TCF12: variants seen among roughly 807,000 people sequenced by gnomAD.
The protein encoded by TCF12 is transcription factor 12.
In TCF12, 45 loss-of-function variants were observed where a neutral mutation model predicts 86.0. The ratio of observed to expected loss-of-function variants is 0.52; its 90% CI spans 0.41 to 0.67. The LOEUF is 0.67. Among genes scored for constraint, TCF12 ranks in the 30% least tolerant of loss-of-function variants. The pLI is 0.00. For synonymous variants in TCF12, 330 were observed against 299.6 expected, an observed-to-expected ratio of 1.10 and a Z score of -1.05; for missense variants, 881 against 859.9, an observed-to-expected ratio of 1.02 and a Z score of -0.31.
chr15:57,231,334 G>T, intron 9 of TCF12, 77 bp downstream of exon 9: 1 of 1,173,322 alleles, frequency 8.5e-7, no homozygotes, highest in South Asian at 1.3e-5. Flanking sequence ...TATTAGGAAA[G>T]AGAATACCTA....
intron 3 of TCF12, among the ~76,000 whole-genome samples, chr15:57,003,336 A>T (rs2064159732): frequency 6.6e-6 from 1 of 152,176 alleles, no homozygotes; most frequent in South Asian, 2.1e-4. Context: ...TACATGTTTT[A>T]TGTGTGTTTC....
intron 3 of TCF12, among the ~76,000 whole-genome samples, chr15:57,038,775 G>C (rs186632936): frequency 6.6e-6 from 1 of 152,276 alleles, no homozygotes; most frequent in East Asian, 1.9e-4. Flanking sequence ...GAATATTGGG[G>C]AGATCTGCAT....
intron 4 of TCF12, among the ~76,000 whole-genome samples, chr15:57,065,002 C>T (rs566642409): frequency 6.6e-5 from 10 of 152,190 alleles, no homozygotes; most frequent in Admixed American, 5.9e-4. Flanking sequence ...GTATGGTTTA[C>T]ACAAGTTTGC....
intron 8 of TCF12, among the ~76,000 whole-genome samples, chr15:57,218,457 T>G (rs2058425995): frequency 6.6e-6 from 1 of 152,186 alleles, no homozygotes; most frequent in Admixed American, 6.5e-5. Flanking sequence ...TTAAAACCTT[T>G]TGACTTCGAA....
chr15:57,213,549 A>G (rs538700652), intron 8 of TCF12, among the ~76,000 whole-genome samples: 2 of 152,312 alleles, frequency 1.3e-5, no homozygotes, highest in Non-Finnish European at 1.5e-5. Flanking sequence ...GATTTTTGAA[A>G]TGGTTCTGGG....
intron 6 of TCF12, among the ~76,000 whole-genome samples, chr15:57,173,704 T>A (rs1213361174): frequency 1.3e-5 from 2 of 151,734 alleles, no homozygotes. Flanking sequence ...TCCATGTATA[T>A]CTTTTTTTCT....
intron 3 of TCF12, among the ~76,000 whole-genome samples, chr15:56,946,798 CTT>C (rs71113039): frequency 3.9e-4 from 44 of 113,532 alleles, no homozygotes; most frequent in South Asian, 1.3e-3. Context: ...TCTAAAGTAC[CTT>C]TTTTTTTTTT....
chr15:57,128,003 A>G (rs1449339456), intron 5 of TCF12, among the ~76,000 whole-genome samples: 7 of 152,214 alleles, frequency 4.6e-5, no homozygotes, highest in African/African-American at 1.7e-4. Flanking sequence ...AAAGGGGGAT[A>G]TAATGTTCAT....
intron 19 of TCF12, among the ~76,000 whole-genome samples, chr15:57,278,942 C>CT (rs67020277): frequency 6.8e-5 from 8 of 118,018 alleles, no homozygotes; most frequent in East Asian, 2.3e-4. Context: ...TCCTTCCTTC[C>CT]TTTTTTTTTT....
At chr15:57,171,323 G>T (rs1328202183) in intron 6 of TCF12, among the ~76,000 whole-genome samples, 2 of 151,642 alleles carry the variant, frequency 1.3e-5, no homozygotes, top group East Asian at 3.9e-4. Flanking sequence ...CTGCAGCAAG[G>T]ATAAACTATT....
intron 19 of TCF12, among the ~76,000 whole-genome samples, chr15:57,276,591 A>T (rs12902099): frequency 0.39 from 59,504 of 152,030 alleles, 14,510 homozygotes; most frequent in Non-Finnish European, 0.54. Flanking sequence ...AAGTTAAAAT[A>T]CATAATCATG....
chr15:57,257,762 C>T (rs1488841907), intron 16 of TCF12, among the ~76,000 whole-genome samples: 1 of 151,508 alleles, frequency 6.6e-6, no homozygotes. Flanking sequence ...ATCAAGGTTA[C>T]TAGCAGTGTA....
Position 57,232,433 on chromosome 15 carries a change from A to AGGCTATAACACGTG in TCF12, c.825+4_825+17dup. 6.2e-7 allele frequency: 1 copy of AGGCTATAACACGTG among 1,600,292 alleles called. No homozygotes were observed. ...ACCTTCATTCACATGACCGCTTGGT[A>AGGCTATAACACGTG]GGCTATAACACGTGACTAGGGTACA... On this transcript the variant is annotated splice_donor_region_variant and intron_variant, in intron 10 of 20. Transcript: ENST00000333725.
At chr15:57,037,016 AG>A (rs1454074297) in intron 3 of TCF12, among the ~76,000 whole-genome samples, 3 of 152,216 alleles carry the variant, frequency 2.0e-5, no homozygotes, top group African/African-American at 7.2e-5. Flanking sequence ...TAAGTGAAGA[AG>A]TCAGTTGTTT....
At chr15:57,055,797 G>T (rs1249537341) in intron 3 of TCF12, among the ~76,000 whole-genome samples, 1 of 151,940 alleles carries the variant, frequency 6.6e-6, no homozygotes, top group East Asian at 1.9e-4. Flanking sequence ...TACTCTCTGG[G>T]TTTCACTGAG....
intron 5 of TCF12, among the ~76,000 whole-genome samples, chr15:57,129,626 T>C (rs1372811644): frequency 6.6e-6 from 1 of 152,204 alleles, no homozygotes. Context: ...CTCTGAGACT[T>C]AGTGATTTAA....
intron 3 of TCF12, among the ~76,000 whole-genome samples, chr15:56,939,898 A>G (rs1002456458): frequency 2.0e-5 from 3 of 152,022 alleles, no homozygotes; most frequent in East Asian, 3.9e-4. Context: ...ATGTGAAAAC[A>G]GCTGGTTCTG....
chr15:57,126,259 G>C (rs140374890), intron 5 of TCF12, among the ~76,000 whole-genome samples: 8 of 152,124 alleles, frequency 5.3e-5, no homozygotes, highest in Non-Finnish European at 1.0e-4. Context: ...CAAAGCATCT[G>C]ATTTTTTAAA....
chr15:57,172,289 A>G (rs1346808636), intron 6 of TCF12, among the ~76,000 whole-genome samples: 1 of 152,258 alleles, frequency 6.6e-6, no homozygotes, highest in Non-Finnish European at 1.5e-5. Context: ...ATTGACAATC[A>G]TGCTTGGAAA....
Sources: gnomAD v4.1 joint callset for allele counts (sites outside exome capture counted in the v4.1 genomes callset) on GRCh38, gnomAD v4.1.1 for gene constraint, MANE v1.5 for transcripts, NCBI Gene and HGNC (gene_info 2026-07-23, HGNC 2026-07-21) for gene names.